FHOD3: variants seen among roughly 807,000 people sequenced by gnomAD.
The protein encoded by FHOD3 is FH1/FH2 domain-containing protein 3.
In FHOD3, 90 loss-of-function variants were observed where a neutral mutation model predicts 173.0. That is an observed-to-expected ratio of 0.52 (90% CI 0.44 to 0.62). FHOD3 has a LOEUF of 0.62. Among genes scored for constraint, FHOD3 ranks in the 20% least tolerant of loss-of-function variants. FHOD3 has a pLI of 0.00. For missense variants in FHOD3, 1,945 were observed against 2,034.7 expected, an observed-to-expected ratio of 0.96 and a Z score of 0.85; for synonymous variants, 828 against 823.0, an observed-to-expected ratio of 1.01 and a Z score of -0.10.
At chr18:36,393,216 G>A (rs543613288) in intron 3 of FHOD3, among the ~76,000 whole-genome samples, 5 of 152,330 alleles carry the variant, frequency 3.3e-5, no homozygotes, top group East Asian at 3.9e-4. Flanking sequence ...ACGTAATGGC[G>A]AAAGCATTTA....
At chr18:36,695,354 A>T (rs1252823949) in intron 17 of FHOD3, among the ~76,000 whole-genome samples, 4 of 124,908 alleles carry the variant, frequency 3.2e-5, no homozygotes, top group Admixed American at 1.5e-4. Context: ...TCTCAAAAAT[A>T]AAAAAAAAAA....
intron 1 of FHOD3, among the ~76,000 whole-genome samples, chr18:36,333,947 G>GTTT (rs2045159233): frequency 6.6e-6 from 1 of 152,158 alleles, no homozygotes; most frequent in Non-Finnish European, 1.5e-5. Context: ...TATTCTCCAT[G>GTTT]TGTACCTTTT....
intron 3 of FHOD3, among the ~76,000 whole-genome samples, chr18:36,489,526 G>A (rs2054357468): frequency 6.6e-6 from 1 of 152,098 alleles, no homozygotes. Flanking sequence ...TTAAAAATTA[G>A]CCAGGCATGG....
At chr18:36,432,729 G>GTTTTGAAAAGCAGATGCTTAAC (rs1293030635) in intron 3 of FHOD3, among the ~76,000 whole-genome samples, 2 of 152,196 alleles carry the variant, frequency 1.3e-5, no homozygotes, top group Admixed American at 1.3e-4. Context: ...CTTCTTGCTG[G>GTTTTGAAAAGCAGATGCTTAAC]TTTTGAAAAG....
chr18:36,508,633 A>G (rs926040937), intron 4 of FHOD3, among the ~76,000 whole-genome samples: 4 of 143,182 alleles, frequency 2.8e-5, no homozygotes, highest in African/African-American at 1.1e-4. Context: ...ACTACAAAAT[A>G]ACAATGGATT....
At position 36,546,208 on chromosome 18, in the gene FHOD3, C is replaced by T. The variant is rs2057404828; in HGVS notation, c.512-30243C>T. On this transcript the variant is annotated intron_variant, in intron 5 of 28. Coordinates refer to ENST00000590592, the MANE Select transcript of FHOD3 (RefSeq NM_001281740.3). ...GTTCATCTTGAGATGTTTCTGGCAA[C>T]CCTCTGTTTTCAGTGCTACTACAAA... is the stretch of plus-strand genomic sequence containing the variant. Among the ~76,000 whole-genome samples, 7 of 152,168 alleles carry T rather than the reference C, an allele frequency of 4.6e-5. No individual in the cohort carries two copies. In the South Asian group the frequency reaches 1.4e-3, roughly 32 times the overall value.
intron 3 of FHOD3, among the ~76,000 whole-genome samples, chr18:36,381,287 C>T (rs142465786): frequency 5.9e-5 from 9 of 152,314 alleles, no homozygotes; most frequent in African/African-American, 1.7e-4. Flanking sequence ...ATGGACTTCA[C>T]CCTTAAAGAG....
chr18:36,399,896 G>A (rs1280575312), intron 3 of FHOD3, among the ~76,000 whole-genome samples: 1 of 152,208 alleles, frequency 6.6e-6, no homozygotes, highest in Non-Finnish European at 1.5e-5. Flanking sequence ...GATGGCTGCT[G>A]GCCCAACAGG....
At chr18:36,737,267 G>A (rs1183223430) in intron 20 of FHOD3, among the ~76,000 whole-genome samples, 1 of 152,232 alleles carries the variant, frequency 6.6e-6, no homozygotes, top group African/African-American at 2.4e-5. Flanking sequence ...ACAGGAAGAT[G>A]TCTTCTGAAG....
intron 7 of FHOD3, 89 bp from the exon 8 acceptor site, chr18:36,602,585 G>C: frequency 1.0e-6 from 1 of 978,890 alleles, no homozygotes. Flanking sequence ...GCCATCACTG[G>C]ATACGTCCTT....
intron 3 of FHOD3, among the ~76,000 whole-genome samples, chr18:36,425,826 T>C (rs1331957637): frequency 1.3e-5 from 2 of 152,168 alleles, no homozygotes; most frequent in Non-Finnish European, 2.9e-5. Context: ...TATATATGTG[T>C]ACATAGACAC....
intron 23 of FHOD3, among the ~76,000 whole-genome samples, chr18:36,746,585 C>A (rs1478903259): frequency 6.6e-6 from 1 of 152,146 alleles, no homozygotes. Context: ...GAAATATTAT[C>A]GCTGAAGAAT....
chr18:36,653,457 GT>G (rs1241326194), intron 13 of FHOD3, 41 bp downstream of exon 13: 9 of 1,369,108 alleles, frequency 6.6e-6, no homozygotes, highest in Non-Finnish European at 8.9e-6. Flanking sequence ...GTAGCTTTCT[GT>G]TTTATATTCT....
At chr18:36,427,302 A>T (rs1279052538) in intron 3 of FHOD3, among the ~76,000 whole-genome samples, 1 of 151,294 alleles carries the variant, frequency 6.6e-6, no homozygotes, top group South Asian at 2.1e-4. Context: ...AAAAAAAAAA[A>T]AAAAAAAAAA....
chr18:36,533,422 C>T (rs778831026), intron 5 of FHOD3, among the ~76,000 whole-genome samples: 3 of 152,208 alleles, frequency 2.0e-5, no homozygotes, highest in Non-Finnish European at 2.9e-5. Context: ...ATGTCCTGAG[C>T]GTGTGCTCTT....
rs555942147 is a variant in FHOD3 at position 36,352,133 on chromosome 18, T to C, written c.166-3406T>C. On this transcript the variant is annotated intron_variant, in intron 1 of 28. Transcript: ENST00000590592. ...AGCTATTACTAAAAATTAAATTGGC[T>C]AGGCACAATGGTTCACATCTGTAAT... Among the ~76,000 whole-genome samples, 3 of 152,084 alleles carry C rather than the reference T, an allele frequency of 2.0e-5. No homozygotes were observed. In the East Asian group the frequency reaches 5.8e-4, roughly 29 times the overall value.
chr18:36,643,426 G>A (rs569462702), intron 10 of FHOD3, among the ~76,000 whole-genome samples: 4 of 151,964 alleles, frequency 2.6e-5, no homozygotes, highest in Admixed American at 6.6e-5. Flanking sequence ...GCTGACAAAT[G>A]TCCCCTGGGG....
At chr18:36,590,346 C>G (rs114586323) in intron 6 of FHOD3, among the ~76,000 whole-genome samples, 3,556 of 152,182 alleles carry the variant, frequency 0.023, 146 homozygotes, top group African/African-American at 0.082. Context: ...ATGAGGGCAT[C>G]AGAGTAAGTG....
At chr18:36,721,032 T>G (rs936937002) in intron 19 of FHOD3, among the ~76,000 whole-genome samples, 1 of 152,226 alleles carries the variant, frequency 6.6e-6, no homozygotes, top group Non-Finnish European at 1.5e-5. Context: ...TTGGTCCCAC[T>G]GCAGCCAATT....
Sources: allele counts gnomAD v4.1 joint callset (sites outside exome capture counted in the v4.1 genomes callset), GRCh38; gene constraint gnomAD v4.1.1; transcripts MANE v1.5; gene names NCBI Gene and HGNC (gene_info 2026-07-23, HGNC 2026-07-21).